RTTN: variants seen among roughly 807,000 people sequenced by gnomAD.
RTTN encodes the protein rotatin.
Under a neutral mutation model 269.2 loss-of-function variants are expected in RTTN, and 182 were observed. The observed-to-expected ratio is 0.68, with a 90% confidence interval of 0.60 to 0.76. The LOEUF is 0.76. Among genes scored for constraint, RTTN ranks in the 30% least tolerant of loss-of-function variants. The pLI, the probability that RTTN is intolerant of heterozygous loss-of-function variation, is 0.00. For missense variants in RTTN, 2,545 were observed against 2,608.6 expected (o/e 0.98, Z 0.53); for synonymous variants, 1,006 against 963.5 (o/e 1.04, Z -0.82).
chr18:70,194,275 G>A (rs1262782211), intron 7 of RTTN: 1 of 152,078 alleles, frequency 6.6e-6, no homozygotes, highest in Non-Finnish European at 1.5e-5. Context: ...GGATGACTAC[G>A]ATTATTTTTA....
rs903606677 is a variant in RTTN at position 70,127,577 on chromosome 18, C to A, written c.3308G>T (p.Arg1103Ile). ...TRMSFYLLND[R>I]LSLKGCPGPC... is the part of the protein sequence containing the mutation. The stretch of plus-strand genomic sequence containing the variant: ...ACCAGGGCAACCCTTTAAAGACAAT[C>A]TGTCATTCAGAAGATAAAAACTCAT... The change falls in exon 25 of 49, where the codon AGA (arginine) becomes ATA (isoleucine). Residue 1103 changes from arginine (R) to isoleucine (I), a missense_variant. By Grantham distance (97) the Arg-to-Ile change is moderately conservative (BLOSUM62 -3). Transcript: ENST00000640769. 2 of 1,613,398 alleles carry A rather than the reference C, an allele frequency of 1.2e-6. No homozygotes were observed. The highest frequency in any genetic ancestry group is 1.7e-6 in the Non-Finnish European group (2 of 1,179,718).
At chr18:70,017,765 T>C (rs2056585482) in intron 45 of RTTN, 91 bp from the exon 46 acceptor site, 1 of 961,590 alleles carries the variant, frequency 1.0e-6, no homozygotes, top group African/African-American at 1.6e-5. Flanking sequence ...CATTCTGATA[T>C]ACTCTCCCTC....
chr18:70,029,952 G>A, intron 42 of RTTN, 60 bp downstream of exon 42: 1 of 1,198,126 alleles, frequency 8.3e-7, no homozygotes, highest in Non-Finnish European at 1.2e-6. Context: ...TCATTTCTAG[G>A]CACAAGAGGA....
rs540695510 is a variant in RTTN at position 70,199,002 on chromosome 18, C to T, written c.578+412G>A. 8.1e-4 allele frequency among the ~76,000 whole-genome samples: 124 copies of T among 152,208 alleles called. 1 individual carries two copies. The highest frequency in any genetic ancestry group is 2.7e-3 in the Admixed American group (42 of 15,280). On this transcript the variant is annotated intron_variant, in intron 5 of 48. Transcript: ENST00000640769. ...AAGAGTTGAAGACCAGCTTGGCCAA[C>T]GTGGGGAAACCCCATCTCTACTAAA...
chr18:70,090,870 T>A (rs531109233), intron 30 of RTTN, among the ~76,000 whole-genome samples: 1 of 152,298 alleles, frequency 6.6e-6, no homozygotes, highest in African/African-American at 2.4e-5. Flanking sequence ...GGTGGGCCTG[T>A]AAGGCACACC....
chr18:70,114,858 A>C (rs951076326), intron 26 of RTTN, among the ~76,000 whole-genome samples: 2 of 152,070 alleles, frequency 1.3e-5, no homozygotes, highest in African/African-American at 4.8e-5. Context: ...GCCACACAGA[A>C]ATTGCCACTA....
At chr18:70,132,116 G>T (rs1024290983) in intron 23 of RTTN, among the ~76,000 whole-genome samples, 2 of 152,032 alleles carry the variant, frequency 1.3e-5, no homozygotes, top group Non-Finnish European at 2.9e-5. Context: ...ATTTCATAAT[G>T]ATAGAGACAA....
chr18:70,034,237 G>A (rs1386370876), intron 40 of RTTN, among the ~76,000 whole-genome samples: 1 of 151,600 alleles, frequency 6.6e-6, no homozygotes, highest in Admixed American at 6.6e-5. Flanking sequence ...ACCCAAAACT[G>A]GCAGAGACAC....
At position 70,059,931 on chromosome 18, in the gene RTTN, A is replaced by T; in HGVS notation, c.4859T>A (p.Leu1620His). The change falls in exon 36 of 49, where the codon CTC (leucine) becomes CAC (histidine). Residue 1620 changes from leucine to histidine, a missense_variant. Physicochemically the swap from Leu to His is moderately conservative, Grantham distance 99. Transcript: ENST00000640769. Reference protein sequence around the residue: ...TPSLLSAMCSLLDNLLTIAPR... With the variant: ...TPSLLSAMCSHLDNLLTIAPR... Reference sequence around the variant, plus strand: ...AGCAATCGTCAAGAGGTTGTCCAAGAGGCTGCACATTGCTGAAAGAAGAGA... The same window carrying T: ...AGCAATCGTCAAGAGGTTGTCCAAGTGGCTGCACATTGCTGAAAGAAGAGA... 6.2e-7 allele frequency: 1 copy of T among 1,614,040 alleles called. No homozygotes were observed. Among genetic ancestry groups the T allele is most frequent in the Non-Finnish European group, 8.5e-7 (1 of 1,179,924 alleles).
chr18:70,031,334 A>G (rs2057006960), intron 40 of RTTN: 1 of 401,400 alleles, frequency 2.5e-6, no homozygotes, highest in Admixed American at 4.3e-5. Context: ...AAACTGCTGA[A>G]CAGGAGAACT....
chr18:70,150,296 T>A, intron 15 of RTTN: 1 of 567,640 alleles, frequency 1.8e-6, no homozygotes, highest in Non-Finnish European at 3.1e-6. Flanking sequence ...TGTACATTTG[T>A]CCCTTGAGTA....
Position 70,128,655 on chromosome 18 carries a change from G to A in RTTN, c.2955-109C>T, listed in dbSNP as rs981238305. 8 of 771,284 alleles carry A rather than the reference G, an allele frequency of 1.0e-5. No homozygotes were observed. The African/African-American group carries it at 1.2e-4, about 12-fold the overall frequency. The allele number at this position is 771,284 out of a possible 1,614,324, so 47.8% of individuals were successfully genotyped here. On this transcript the variant is annotated intron_variant, in intron 23 of 48. Coordinates refer to ENST00000640769, the MANE Select transcript of RTTN (RefSeq NM_173630.4). ...TCAATGCCTCCCAACCCACAATAATGCAAAGGTTTCTCTTAGTCCCTATTT... is the reference window on the plus strand; with the variant it reads ...TCAATGCCTCCCAACCCACAATAATACAAAGGTTTCTCTTAGTCCCTATTT...
intron 24 of RTTN, chr18:70,128,102 C>T (rs571232371): frequency 2.8e-5 from 12 of 430,458 alleles, no homozygotes; most frequent in African/African-American, 2.0e-4. Context: ...TTCATATCTA[C>T]GAACAAATCA....
chr18:70,075,428 A>G lies in RTTN; in HGVS notation c.4488T>C (p.His1496=). 6.2e-7 allele frequency: 1 copy of G among 1,608,424 alleles called. No homozygotes were observed. Among genetic ancestry groups the G allele is most frequent in the Non-Finnish European group, 8.5e-7 (1 of 1,177,634 alleles). ...CAAACATACACCGTCCTAGGTAACA[A>G]TGCTTTACCATCTGATTCAAATGTT... The part of the protein sequence containing the change: ...FYEHLNQMVK[H]CYLGRCMFDL... The change falls in exon 33 of 49, where the codon CAT becomes CAC. Residue 1496 remains histidine (H), a synonymous_variant. Coordinates refer to ENST00000640769, the MANE Select transcript of RTTN (RefSeq NM_173630.4).
chr18:70,158,818 T>A (rs1456888223), intron 14 of RTTN, among the ~76,000 whole-genome samples: 1 of 152,074 alleles, frequency 6.6e-6, no homozygotes, highest in Admixed American at 6.5e-5. Flanking sequence ...CAAAACAGAC[T>A]TTAAACCAAC....
At chr18:70,011,546 T>A (rs2056372317) in intron 46 of RTTN, among the ~76,000 whole-genome samples, 1 of 152,208 alleles carries the variant, frequency 6.6e-6, no homozygotes, top group South Asian at 2.1e-4. Flanking sequence ...CACCCTTTCA[T>A]GCTAAAAACT....
chr18:70,152,596 T>A (rs2060567536), intron 14 of RTTN, among the ~76,000 whole-genome samples: 1 of 152,122 alleles, frequency 6.6e-6, no homozygotes, highest in South Asian at 2.1e-4. Context: ...CAAAACAGAA[T>A]TCTACCCAAT....
chr18:70,186,918 G>A (rs953996637), intron 10 of RTTN, among the ~76,000 whole-genome samples: 2 of 152,160 alleles, frequency 1.3e-5, no homozygotes, highest in African/African-American at 4.8e-5. Context: ...CGGGTACTAG[G>A]CTTATTACCT....
At chr18:70,112,394 C>T (rs1599609284) in intron 27 of RTTN, among the ~76,000 whole-genome samples, 1 of 141,826 alleles carries the variant, frequency 7.1e-6, no homozygotes, top group Middle Eastern at 3.9e-3. Context: ...TATCAGTGTG[C>T]TATATTCAGG....
Sources: allele counts gnomAD v4.1 joint callset (sites outside exome capture counted in the v4.1 genomes callset), GRCh38; gene constraint gnomAD v4.1.1; transcripts MANE v1.5; gene names NCBI Gene and HGNC (gene_info 2026-07-23, HGNC 2026-07-21).